The following RNF182 variants were observed in gnomAD, a reference collection of about 807,000 sequenced individuals.
RNF182 encodes E3 ubiquitin-protein ligase RNF182.
Under a neutral mutation model 14.4 loss-of-function variants are expected in RNF182, and 15 were observed. The observed-to-expected ratio is 1.04, with a 90% CI of 0.70 to 1.60. The LOEUF (loss-of-function observed/expected upper bound fraction) is 1.60. Among genes scored for constraint, RNF182 ranks in the 40% most tolerant of loss-of-function variants. RNF182 has a pLI of 0.00. For synonymous variants in RNF182, 128 were observed against 122.9 expected (o/e 1.04, Z -0.27); for missense variants, 268 against 294.8 (o/e 0.91, Z 0.67).
At chr6:13,972,198 A>T (rs976152086) in intron 1 of RNF182, among the ~76,000 whole-genome samples, 7 of 151,744 alleles carry the variant, frequency 4.6e-5, no homozygotes, top group Middle Eastern at 3.2e-3. Flanking sequence ...TCAGCTACTC[A>T]GGAGGCTGAG....
chr6:13,954,273 A>G (rs1014064237), intron 1 of RNF182, among the ~76,000 whole-genome samples: 30 of 152,266 alleles, frequency 2.0e-4, no homozygotes, highest in African/African-American at 7.2e-4. Context: ...TTATCACACC[A>G]GAAAACAATT....
At chr6:13,929,828 T>A (rs1758921126) in intron 1 of RNF182, among the ~76,000 whole-genome samples, 1 of 152,210 alleles carries the variant, frequency 6.6e-6, no homozygotes, top group Non-Finnish European at 1.5e-5. Context: ...TGACACTAAT[T>A]ATTATGCTTG....
rs1381743827 is a variant in RNF182, at chr6:13,960,686, T to TGC, written c.-366-13523_-366-13522insCG. Among the ~76,000 whole-genome samples the TGC allele has an allele frequency of 3.7e-3, 393 of 104,996 alleles. 4 individuals are homozygous for TGC. The highest frequency in any genetic ancestry group is 9.4e-3 in the East Asian group (33 of 3,528). The allele number at this position is 104,996 out of a possible 152,430, so 68.9% of individuals were successfully genotyped here. ...GTGTGTGTGTGTGTGTGTGTGTGTG[T>TGC]GTGTGTGCGCGCGTGCACATGCATG... is the stretch of plus-strand genomic sequence containing the variant. On this transcript the variant is annotated intron_variant, in intron 1 of 2. Coordinates refer to ENST00000488300, the MANE Select transcript of RNF182 (RefSeq NM_152737.4).
intron 1 of RNF182, among the ~76,000 whole-genome samples, chr6:13,968,913 C>G (rs990708369): frequency 6.6e-6 from 1 of 152,230 alleles, no homozygotes; most frequent in African/African-American, 2.4e-5. Flanking sequence ...GAACCTAGAT[C>G]TAAAAACACA....
At chr6:13,934,293 G>A (rs1759049707) in intron 1 of RNF182, among the ~76,000 whole-genome samples, 1 of 152,100 alleles carries the variant, frequency 6.6e-6, no homozygotes. Flanking sequence ...GTCTCCTGTT[G>A]TTATGATGAC....
chr6:13,957,079 A>T (rs1282805402), intron 1 of RNF182, among the ~76,000 whole-genome samples: 1 of 152,194 alleles, frequency 6.6e-6, no homozygotes, highest in African/African-American at 2.4e-5. Context: ...TCCATCTTGC[A>T]TAGGTGCCTT....
chr6:13,937,313 C>T (rs1306103991), intron 1 of RNF182, among the ~76,000 whole-genome samples: 1 of 152,126 alleles, frequency 6.6e-6, no homozygotes, highest in East Asian at 1.9e-4. Context: ...CTTCCTTTGC[C>T]TTTTTCAGTT....
At chr6:13,959,751 G>C (rs1759819354) in intron 1 of RNF182, among the ~76,000 whole-genome samples, 3 of 152,166 alleles carry the variant, frequency 2.0e-5, no homozygotes, top group Admixed American at 2.0e-4. Flanking sequence ...AAAACTGCAG[G>C]AAACAATTTG....
At position 13,977,668 on chromosome 6, in the gene RNF182, G is replaced by T. The variant is rs1760372446; in HGVS notation, c.549G>T (p.Arg183=). 1 of 1,614,128 alleles carries T rather than the reference G, an allele frequency of 6.2e-7. No individual in the cohort carries two copies. ...CCCTGCTGTTTCAGACATCCATCCG[G>T]GTGTTAGTGTGGTTGCTAGGTTTGC... ...CTSLLFQTSI[R]VLVWLLGLLY... is the part of the protein sequence containing the mutation. The change falls in exon 3 of 3, where the codon CGG becomes CGT. Residue 183 remains arginine (R), a synonymous_variant. Transcript: ENST00000488300.
chr6:13,954,686 G>C (rs149004510), intron 1 of RNF182, among the ~76,000 whole-genome samples: 111 of 152,046 alleles, frequency 7.3e-4, no homozygotes, highest in African/African-American at 2.6e-3. Flanking sequence ...TTGGTCTGTG[G>C]GTTCACCCTT....
intron 1 of RNF182, among the ~76,000 whole-genome samples, chr6:13,950,338 G>A (rs1239655865): frequency 3.3e-5 from 5 of 152,074 alleles, no homozygotes; most frequent in African/African-American, 1.2e-4. Context: ...TCGCTGTAAA[G>A]CAGACAAGTC....
intron 1 of RNF182, among the ~76,000 whole-genome samples, chr6:13,946,594 C>A (rs1759447306): frequency 2.0e-5 from 3 of 152,148 alleles, no homozygotes; most frequent in Admixed American, 6.5e-5. Context: ...TTAACTTCTT[C>A]CCTTAACTGT....
At chr6:13,968,705 A>G (rs1357870354) in intron 1 of RNF182, among the ~76,000 whole-genome samples, 1 of 152,176 alleles carries the variant, frequency 6.6e-6, no homozygotes, top group Non-Finnish European at 1.5e-5. Flanking sequence ...CCAAATAAAA[A>G]AGAATGCACA....
intron 1 of RNF182, among the ~76,000 whole-genome samples, chr6:13,955,189 A>G (rs1408788640): frequency 6.6e-6 from 1 of 152,224 alleles, no homozygotes; most frequent in African/African-American, 2.4e-5. Flanking sequence ...CGGGATGTGC[A>G]TGAATGGGTA....
At chr6:13,948,567 CA>C (rs1759495500) in intron 1 of RNF182, among the ~76,000 whole-genome samples, 1 of 152,008 alleles carries the variant, frequency 6.6e-6, no homozygotes, top group Non-Finnish European at 1.5e-5. Context: ...TCAAATAAGT[CA>C]AATATGCCAT....
rs745570363 is a variant in RNF182 at position 13,977,116 on chromosome 6, C to A, written c.-4C>A. 3.2e-5 allele frequency: 51 copies of A among 1,607,972 alleles called. No individual in the cohort carries two copies. Among genetic ancestry groups the A allele is most frequent in the Non-Finnish European group, 4.0e-5 (47 of 1,176,418 alleles). ...CTGGCATAAGATTGCACACATAATT[C>A]AAGATGGCCAGTCAACCTCCTGAAG... On this transcript the variant is annotated 5_prime_UTR_variant, in exon 3 of 3. Transcript: ENST00000488300.
chr6:13,959,237 A>G (rs992351115), intron 1 of RNF182, among the ~76,000 whole-genome samples: 2 of 152,342 alleles, frequency 1.3e-5, no homozygotes, highest in Middle Eastern at 3.4e-3. Flanking sequence ...GACATTTCAC[A>G]TTGAGCAAAC....
intron 1 of RNF182, among the ~76,000 whole-genome samples, chr6:13,944,694 T>C (rs1248578501): frequency 6.6e-6 from 1 of 152,212 alleles, no homozygotes; most frequent in African/African-American, 2.4e-5. Context: ...ATATCTGTTA[T>C]TTGTACTTAA....
At chr6:13,928,293 T>C (rs1356485746) in intron 1 of RNF182, among the ~76,000 whole-genome samples, 2 of 152,188 alleles carry the variant, frequency 1.3e-5, no homozygotes, top group African/African-American at 4.8e-5. Flanking sequence ...TTATGGAGTA[T>C]GGTTTTGGAC....
Sources: allele counts gnomAD v4.1 joint callset (sites outside exome capture counted in the v4.1 genomes callset), GRCh38; gene constraint gnomAD v4.1.1; transcripts MANE v1.5; gene names NCBI Gene and HGNC (gene_info 2026-07-23, HGNC 2026-07-21).